FAM120B: variants seen among roughly 807,000 people sequenced by gnomAD.
FAM120B encodes the protein constitutive coactivator of peroxisome proliferator-activated receptor gamma.
In FAM120B, 83 loss-of-function variants were observed where a neutral mutation model predicts 96.3. That is an observed-to-expected ratio of 0.86 (90% CI 0.72 to 1.03). The LOEUF (loss-of-function observed/expected upper bound fraction) is 1.03, where lower values mean the gene tolerates loss of function less well. Ranked by LOEUF, FAM120B falls within the 50% of genes least tolerant of loss-of-function variation. The pLI is 0.00. For missense variants in FAM120B, 1,027 were observed against 1,121.2 expected, an observed-to-expected ratio of 0.92 and a Z score of 1.20; for synonymous variants, 407 against 402.7, an observed-to-expected ratio of 1.01 and a Z score of -0.13.
upstream of FAM120B, among the ~76,000 whole-genome samples, chr6:170,291,703 G>T (rs555445983): frequency 4.4e-3 from 673 of 152,318 alleles, 7 homozygotes; most frequent in African/African-American, 0.016. Context: ...CGACGCGCGG[G>T]CGGGGCCGGG....
In FAM120B at chr6:170,318,944, A is replaced by G. The variant is rs1383138112; in HGVS notation, c.1554A>G (p.Gln518=). Residue 518 remains glutamine (Q), a synonymous_variant, in exon 2 of 11, where the codon CAA becomes CAG. Transcript: ENST00000476287. ...TATGTACAGATCCTATATCCAAGCA[A>G]GAAGACTCCATGTGTACACACGCTG... ...VPICTDPISK[Q]EDSMCTHAEI... 1 of 1,614,096 alleles carries G rather than the reference A, an allele frequency of 6.2e-7. No individual in the cohort carries two copies. The highest frequency in any genetic ancestry group is 8.5e-7 in the Non-Finnish European group (1 of 1,180,032).
At chr6:170,304,715 G>A (rs1784218220), upstream of FAM120B, among the ~76,000 whole-genome samples, 1 of 151,894 alleles carries the variant, frequency 6.6e-6, no homozygotes, top group Non-Finnish European at 1.5e-5. Flanking sequence ...TGAGAGTTTG[G>A]TCTCCTGAAT....
At chr6:170,353,611 C>T (rs537086042) in intron 5 of FAM120B, among the ~76,000 whole-genome samples, 4 of 152,128 alleles carry the variant, frequency 2.6e-5, no homozygotes, top group South Asian at 4.2e-4. Context: ...GATATAAAAT[C>T]GCCAGTATTC....
chr6:170,324,878 T>A (rs985269062), intron 3 of FAM120B, among the ~76,000 whole-genome samples: 1 of 152,248 alleles, frequency 6.6e-6, no homozygotes, highest in Non-Finnish European at 1.5e-5. Flanking sequence ...TAGTTTATGA[T>A]CCCATTTGTA....
intron 4 of FAM120B, among the ~76,000 whole-genome samples, chr6:170,332,495 T>C (rs962649907): frequency 1.3e-5 from 2 of 152,174 alleles, no homozygotes; most frequent in Non-Finnish European, 2.9e-5. Flanking sequence ...ATCAGGAGTT[T>C]GACACCCGCC....
chr6:170,402,402 A>C (rs1778633174), intron 9 of FAM120B, among the ~76,000 whole-genome samples: 1 of 152,216 alleles, frequency 6.6e-6, no homozygotes, highest in Non-Finnish European at 1.5e-5. Context: ...TTAGGATGTC[A>C]TTGACAAATA....
chr6:170,320,684 G>A (rs1785228989), intron 2 of FAM120B, among the ~76,000 whole-genome samples: 1 of 152,192 alleles, frequency 6.6e-6, no homozygotes, highest in South Asian at 2.1e-4. Context: ...GTGAAATATG[G>A]ACCTAAAGTT....
intron 9 of FAM120B, among the ~76,000 whole-genome samples, chr6:170,398,267 A>G (rs750288388): frequency 6.6e-6 from 1 of 152,250 alleles, no homozygotes; most frequent in Non-Finnish European, 1.5e-5. Flanking sequence ...TATTCTATTT[A>G]TTGAATGGTG....
intron 3 of FAM120B, among the ~76,000 whole-genome samples, chr6:170,326,857 G>C (rs971556638): frequency 1.3e-5 from 2 of 152,022 alleles, no homozygotes; most frequent in African/African-American, 2.4e-5. Flanking sequence ...TCCTACCTCA[G>C]CCTCTTGAGT....
intron 8 of FAM120B, among the ~76,000 whole-genome samples, chr6:170,393,849 C>T (rs553401555): frequency 6.6e-6 from 1 of 152,224 alleles, no homozygotes; most frequent in Non-Finnish European, 1.5e-5. Context: ...GTGGTAGGGC[C>T]CTGCAGTCCT....
intron 6 of FAM120B, among the ~76,000 whole-genome samples, chr6:170,374,916 A>T (rs1789418295): frequency 6.6e-6 from 1 of 152,174 alleles, no homozygotes; most frequent in Admixed American, 6.5e-5. Context: ...ATTATACTTT[A>T]ATTTCTTGAG....
Position 170,317,627 on chromosome 6 carries a change from G to A in FAM120B, c.237G>A (p.Thr79=), listed in dbSNP as rs759820780. The A allele has an allele frequency of 1.2e-5, 19 of 1,614,036 alleles. No individual in the cohort carries two copies. The highest frequency in any genetic ancestry group is 2.2e-5 in the South Asian group (2 of 91,088). Residue 79 remains threonine (T), a synonymous_variant, in exon 2 of 11, where the codon ACG becomes ACA. Transcript: ENST00000476287. ...SALRDFVKTF[T]AAGIKLIFFF... ...TGCGAGATTTTGTTAAAACTTTTACGGCAGCTGGGATCAAGTTGATATTCT... is the reference window on the plus strand; with the variant it reads ...TGCGAGATTTTGTTAAAACTTTTACAGCAGCTGGGATCAAGTTGATATTCT...
intron 7 of FAM120B, 40 bp downstream of exon 7, chr6:170,388,533 T>G: frequency 1.3e-6 from 2 of 1,543,478 alleles, no homozygotes; most frequent in East Asian, 2.2e-5. Context: ...GAAACATCCC[T>G]GTAGCTCCAG....
chr6:170,296,175 G>C (rs766832782), intron 1 of FAM120B, among the ~76,000 whole-genome samples: 1 of 152,062 alleles, frequency 6.6e-6, no homozygotes, highest in Admixed American at 6.5e-5. Flanking sequence ...CTGCCCCTCC[G>C]AACTTTGTGC....
At chr6:170,374,012 C>T (rs1044925511) in intron 6 of FAM120B, among the ~76,000 whole-genome samples, 1 of 152,138 alleles carries the variant, frequency 6.6e-6, no homozygotes, top group African/African-American at 2.4e-5. Context: ...GCTGGCATGC[C>T]AGATCATTCC....
intron 4 of FAM120B, among the ~76,000 whole-genome samples, chr6:170,341,044 G>A (rs1009112427): frequency 2.0e-5 from 3 of 152,308 alleles, no homozygotes; most frequent in South Asian, 2.1e-4. Flanking sequence ...GCCAGGATCC[G>A]CTGCTGCTCT....
chr6:170,336,625 T>G (rs970393844), intron 4 of FAM120B, among the ~76,000 whole-genome samples: 8 of 152,246 alleles, frequency 5.3e-5, no homozygotes, highest in African/African-American at 1.9e-4. Context: ...CTTTGGGCAG[T>G]ATGGCCATTT....
rs1785008227 is a variant in FAM120B at position 170,317,977 on chromosome 6, T to C, written c.587T>C (p.Leu196Pro). The C allele has an allele frequency of 6.2e-7, 1 of 1,613,764 alleles. No individual in the cohort carries two copies. Among genetic ancestry groups the C allele is most frequent in the Admixed American group, 1.7e-5 (1 of 59,978 alleles). ...DTCPYFSISELCLESLDTVML... is the reference protein window; with the variant it reads ...DTCPYFSISEPCLESLDTVML... Reference sequence around the variant, plus strand: ...TGTCCCTACTTTTCAATTAGCGAGCTCTGCCTAGAGAGCCTGGACACCGTC... The same window carrying C: ...TGTCCCTACTTTTCAATTAGCGAGCCCTGCCTAGAGAGCCTGGACACCGTC... The change falls in exon 2 of 11, where the codon CTC becomes CCC. Residue 196 changes from leucine to proline, a missense_variant. Leu to Pro is a moderately conservative substitution (Grantham distance 98, BLOSUM62 -3). Coordinates refer to ENST00000476287, the MANE Select transcript of FAM120B (RefSeq NM_032448.3).
At chr6:170,330,893 T>G (rs1234041167) in intron 4 of FAM120B, 1 of 244,648 alleles carries the variant, frequency 4.1e-6, no homozygotes, top group African/African-American at 2.3e-5. Flanking sequence ...GTCTAGTTGT[T>G]GCTTGGTAGA....
Sources: gnomAD v4.1 joint callset for allele counts (sites outside exome capture counted in the v4.1 genomes callset) on GRCh38, gnomAD v4.1.1 for gene constraint, MANE v1.5 for transcripts, NCBI Gene and HGNC (gene_info 2026-07-23, HGNC 2026-07-21) for gene names.